The following BMP8B variants were observed in gnomAD, a reference collection of about 807,000 sequenced individuals.
BMP8B encodes the protein bone morphogenetic protein 8b, also known as bone morphogenetic protein 8 (osteogenic protein 2).
In BMP8B, 17 loss-of-function variants were observed where a neutral mutation model predicts 30.3. The ratio of observed to expected loss-of-function variants is 0.56; its 90% confidence interval spans 0.38 to 0.84. The LOEUF is 0.84. BMP8B is among the 40% of genes least tolerant of loss of function. The probability of loss-of-function intolerance (pLI) is 0.00; values close to 1 mark genes in which losing one functional copy is unlikely to be tolerated. For missense variants in BMP8B, 253 were observed against 494.6 expected (o/e 0.51, Z 4.63); for synonymous variants, 131 against 214.7 (o/e 0.61, Z 3.41).
At chr1:39,764,150 C>T (rs534294835) in intron 4 of BMP8B, among the ~76,000 whole-genome samples, 360 of 152,302 alleles carry the variant, frequency 2.4e-3, no homozygotes, top group Non-Finnish European at 3.6e-3. Context: ...CACCCATTCC[C>T]GAGGTTCAAG....
At chr1:39,760,616 T>G in intron 6 of BMP8B, 48 bp from the exon 7 acceptor site, 1 of 1,589,044 alleles carries the variant, frequency 6.3e-7, no homozygotes, top group Non-Finnish European at 8.5e-7. Flanking sequence ...AGTGGCCTCC[T>G]CCAAGGACCC....
intron 1 of BMP8B, 137 bp from the exon 2 acceptor site, chr1:39,775,175 C>G: frequency 7.6e-7 from 1 of 1,322,304 alleles, no homozygotes; most frequent in Non-Finnish European, 1.0e-6. Context: ...GTGGGGCCGG[C>G]TTCATTTAGT....
intron 1 of BMP8B, among the ~76,000 whole-genome samples, chr1:39,783,737 G>A (rs887569444): frequency 7.9e-5 from 12 of 152,042 alleles, no homozygotes; most frequent in East Asian, 5.8e-4. Flanking sequence ...ATGAGATCCC[G>A]CCTCTACAAA....
chr1:39,788,702 C>T lies in BMP8B; in HGVS notation c.-217G>A. On this transcript the variant is annotated 5_prime_UTR_variant, in exon 1 of 7. Coordinates refer to ENST00000372827, the MANE Select transcript of BMP8B (RefSeq NM_001720.5). The surrounding 1 kb of genome is among the most constrained non-coding windows in gnomAD (Gnocchi z 5.8). ...TGGCTCCTGGACGAGAGGACGCGGA[C>T]GCCACCGCCTCGAGGCCGGGGCTAC... 1 of 239,382 alleles carries T rather than the reference C, an allele frequency of 4.2e-6. No individual in the cohort carries two copies. Among genetic ancestry groups the T allele is most frequent in the Non-Finnish European group, 6.7e-6 (1 of 148,160 alleles). The allele number at this position is 239,382 out of a possible 1,614,324, so 14.8% of individuals were successfully genotyped here.
intron 6 of BMP8B, 121 bp downstream of exon 6, chr1:39,762,971 A>G (rs1260309569): frequency 2.4e-6 from 3 of 1,264,748 alleles, no homozygotes; most frequent in Non-Finnish European, 3.4e-6. Flanking sequence ...CTGACTGTGC[A>G]GACAAAGCCC....
chr1:39,760,762 C>T (rs761829688), intron 6 of BMP8B, among the ~76,000 whole-genome samples, 194 bp from the exon 7 acceptor site: 2 of 152,096 alleles, frequency 1.3e-5, no homozygotes, highest in Non-Finnish European at 2.9e-5. Context: ...TGTAGTAACA[C>T]GCAGTGCCCA....
Position 39,759,167 on chromosome 1 carries a change from A to G in BMP8B, c.*1252T>C, listed in dbSNP as rs1166634773. The G allele has an allele frequency of 6.6e-6, 1 of 152,172 alleles. No individual in the cohort carries two copies. The highest frequency in any genetic ancestry group is 1.5e-5 in the Non-Finnish European group (1 of 68,076). The allele number at this position is 152,172 out of a possible 1,614,324, so 9.4% of individuals were successfully genotyped here. On this transcript the variant is annotated 3_prime_UTR_variant, in exon 7 of 7. Transcript: ENST00000372827. Reference sequence around the variant, plus strand: ...TCCAAGGAGAACAGCAGTTTCCGAGAACAGCAGAGGCTGAGACAAACCTCT... The same window carrying G: ...TCCAAGGAGAACAGCAGTTTCCGAGGACAGCAGAGGCTGAGACAAACCTCT...
intron 1 of BMP8B, among the ~76,000 whole-genome samples, chr1:39,787,788 T>C (rs1457538808): frequency 2.0e-4 from 30 of 152,202 alleles, no homozygotes; most frequent in Admixed American, 1.9e-3. Context: ...ACTGCCCTTA[T>C]CACAGTGACA....
chr1:39,760,702 T>TAAC, intron 6 of BMP8B, 134 bp from the exon 7 acceptor site: 1 of 1,195,328 alleles, frequency 8.4e-7, no homozygotes, highest in African/African-American at 1.6e-5. Flanking sequence ...ACAATAATAA[T>TAAC]AACTATTAAC....
chr1:39,783,236 C>T (rs1382575585), intron 1 of BMP8B, among the ~76,000 whole-genome samples: 1 of 152,206 alleles, frequency 6.6e-6, no homozygotes, highest in South Asian at 2.1e-4. Context: ...GGCCTACCCT[C>T]CTACAGCTGT....
In BMP8B at chr1:39,758,920, A is replaced by C. The variant is rs1386028936; in HGVS notation, c.*1499T>G. ...CCCTGCTGCTGGACCAGCTTTCCCC[A>C]GGCCCCTCCCTGGGGGTGCAGCACG... On this transcript the variant is annotated 3_prime_UTR_variant, in exon 7 of 7. Coordinates refer to ENST00000372827, the MANE Select transcript of BMP8B (RefSeq NM_001720.5). The C allele has an allele frequency of 6.6e-6, 1 of 152,224 alleles. No individual in the cohort carries two copies. The highest frequency in any genetic ancestry group is 1.5e-5 in the Non-Finnish European group (1 of 68,068). 9.4% of individuals were successfully genotyped at this position (152,224 alleles called of 1,614,324 possible). A position where few individuals can be genotyped will look rare whatever the true frequency, so the allele number is the denominator to read the frequency against.
chr1:39,775,438 A>T (rs1650157632), intron 1 of BMP8B, among the ~76,000 whole-genome samples: 1 of 152,220 alleles, frequency 6.6e-6, no homozygotes, highest in African/African-American at 2.4e-5. Context: ...AAAGGGCCCC[A>T]GCCCTGCAGG....
At chr1:39,775,771 G>C (rs1407698124) in intron 1 of BMP8B, among the ~76,000 whole-genome samples, 1 of 152,254 alleles carries the variant, frequency 6.6e-6, no homozygotes, top group Non-Finnish European at 1.5e-5. Context: ...GGGAAACGTG[G>C]AAAGGAACAA....
rs547552264 is a variant in BMP8B, at chr1:39,771,799, C to G, written c.673+2509G>C. Among the ~76,000 whole-genome samples, 69 of 147,674 alleles carry G rather than the reference C, an allele frequency of 4.7e-4. 1 individual carries two copies. Among genetic ancestry groups the G allele is most frequent in the African/African-American group, 1.7e-3 (68 of 39,856 alleles). ...TCACCCCTCACTGCGACAGTGGGGA[C>G]AGTATCCCTCACCTCCATCAGGAAG... On this transcript the variant is annotated intron_variant, in intron 3 of 6. Transcript: ENST00000372827.
In BMP8B at chr1:39,758,966, C is replaced by T. The variant is rs2124400237; in HGVS notation, c.*1453G>A. 6.6e-6 allele frequency: 1 copy of T among 152,438 alleles called. No individual in the cohort carries two copies. The highest frequency in any genetic ancestry group is 1.5e-5 in the Non-Finnish European group (1 of 68,078). The allele number at this position is 152,438 out of a possible 1,614,324, so 9.4% of individuals were successfully genotyped here. ...GCACGTGAACTCCAGAGAGGCGCAT[C>T]CTTGGGCCCATGGGGAGGTGGAACC... On this transcript the variant is annotated 3_prime_UTR_variant, in exon 7 of 7. Coordinates refer to ENST00000372827, the MANE Select transcript of BMP8B (RefSeq NM_001720.5).
Position 39,771,168 on chromosome 1 carries a change from G to T in BMP8B, c.673+3140C>A, listed in dbSNP as rs1384286253. 9.0e-6 allele frequency: 14 copies of T among 1,551,794 alleles called. 4 individuals are homozygous for T. Among genetic ancestry groups the T allele is most frequent in the Non-Finnish European group, 1.2e-5 (14 of 1,142,308 alleles). ...AGCCGGGGACTGGTGGCAAAGCAGCGGGCGCAGCCCTGGGACAGCGCGAGC... is the reference window on the plus strand; with the variant it reads ...AGCCGGGGACTGGTGGCAAAGCAGCTGGCGCAGCCCTGGGACAGCGCGAGC... On this transcript the variant is annotated intron_variant, in intron 3 of 6. Coordinates refer to ENST00000372827, the MANE Select transcript of BMP8B (RefSeq NM_001720.5).
chr1:39,770,382 C>A lies in BMP8B; in HGVS notation c.673+3926G>T, dbSNP rs759552796. 5 of 1,598,884 alleles carry A rather than the reference C, an allele frequency of 3.1e-6. No individual in the cohort carries two copies. In the South Asian group the frequency reaches 3.3e-5, roughly 11 times the overall value. The stretch of plus-strand genomic sequence containing the variant: ...GTCCTGGCGTCCTCTTCCTTTCCAG[C>A]GTCTCCATCTTCCTCTTTCAGGATC... On this transcript the variant is annotated intron_variant, in intron 3 of 6. Coordinates refer to ENST00000372827, the MANE Select transcript of BMP8B (RefSeq NM_001720.5).
At position 39,788,063 on chromosome 1, in the gene BMP8B, C is replaced by G. The variant is rs553288914; in HGVS notation, c.334+89G>C. 1,130 of 1,386,622 alleles carry G rather than the reference C, an allele frequency of 8.1e-4. 7 individuals are homozygous for G. The African/African-American group carries it at 0.016, about 19-fold the overall frequency. The allele number at this position is 1,386,622 out of a possible 1,614,324, so 85.9% of individuals were successfully genotyped here. ...CGTCCACCGTCTGTGACTCCCCGTT[C>G]GGCCAGGGCCCGGCACAGCCCGCGG... On this transcript the variant is annotated intron_variant, in intron 1 of 6. Coordinates refer to ENST00000372827, the MANE Select transcript of BMP8B (RefSeq NM_001720.5). The surrounding 1 kb of genome is among the most constrained non-coding windows in gnomAD (Gnocchi z 5.8).
At chr1:39,762,679 A>G in intron 6 of BMP8B, 1 of 1,504,044 alleles carries the variant, frequency 6.6e-7, no homozygotes, top group Non-Finnish European at 8.9e-7. Context: ...CACACCCCAC[A>G]CACTGTGCAC....
Sources: gnomAD v4.1 joint callset for allele counts (sites outside exome capture counted in the v4.1 genomes callset) on GRCh38, gnomAD v4.1.1 for gene constraint, Gnocchi (gnomAD v3.1) non-coding constraint, MANE v1.5 for transcripts, NCBI Gene and HGNC (gene_info 2026-07-23, HGNC 2026-07-21) for gene names.